The following FARS2 variants were observed in gnomAD, a reference collection of about 807,000 sequenced individuals.
FARS2 encodes the protein phenylalanyl-tRNA synthetase 2, mitochondrial.
A neutral mutation model predicts 46.4 loss-of-function variants in FARS2; 40 were observed. The ratio of observed to expected loss-of-function variants is 0.86; its 90% CI spans 0.67 to 1.12. The LOEUF (loss-of-function observed/expected upper bound fraction) is 1.12, where lower values mean the gene tolerates loss of function less well. FARS2 is among the 50% of genes most tolerant of loss of function. The probability of loss-of-function intolerance (pLI) is 0.00; values close to 1 mark genes in which losing one functional copy is unlikely to be tolerated. For synonymous variants in FARS2, 234 were observed against 214.9 expected, an observed-to-expected ratio of 1.09 and a Z score of -0.78; for missense variants, 513 against 567.9, an observed-to-expected ratio of 0.90 and a Z score of 0.98.
chr6:5,599,900 G>A (rs200209538), intron 5 of FARS2, among the ~76,000 whole-genome samples: 2 of 135,104 alleles, frequency 1.5e-5, no homozygotes, highest in Non-Finnish European at 1.6e-5. Context: ...TTTTTTTTTT[G>A]TGAAAAAGCA....
chr6:5,699,683 A>C (rs1005676762), intron 6 of FARS2, among the ~76,000 whole-genome samples: 14 of 152,040 alleles, frequency 9.2e-5, no homozygotes, highest in Admixed American at 2.6e-4. Flanking sequence ...AAGTTTTTGT[A>C]TTTTTAGTAG....
At chr6:5,620,156 C>T (rs998234327) in intron 6 of FARS2, among the ~76,000 whole-genome samples, 3 of 151,832 alleles carry the variant, frequency 2.0e-5, no homozygotes, top group Non-Finnish European at 2.9e-5. Flanking sequence ...GCAGAATCCC[C>T]GGCCTCTACT....
intron 1 of FARS2, among the ~76,000 whole-genome samples, chr6:5,332,170 G>T (rs1770843225): frequency 6.6e-6 from 1 of 152,170 alleles, no homozygotes; most frequent in South Asian, 2.1e-4. Flanking sequence ...TAACTTTAGA[G>T]ACATGCTCTC....
chr6:5,598,502 A>G (rs553844876), intron 5 of FARS2, among the ~76,000 whole-genome samples: 1 of 152,252 alleles, frequency 6.6e-6, no homozygotes, highest in South Asian at 2.1e-4. Flanking sequence ...ATGTTAGACT[A>G]TTTTCTGGAA....
intron 1 of FARS2, among the ~76,000 whole-genome samples, chr6:5,295,963 G>A (rs189768288): frequency 6.6e-6 from 1 of 152,160 alleles, no homozygotes; most frequent in African/African-American, 2.4e-5. Context: ...AGGTAAGATA[G>A]CAGTGATACC....
intron 6 of FARS2, among the ~76,000 whole-genome samples, chr6:5,693,401 A>G (rs1338503267): frequency 1.3e-5 from 2 of 152,178 alleles, no homozygotes; most frequent in Non-Finnish European, 2.9e-5. Flanking sequence ...GTAGGGAGGG[A>G]GAGATGAACG....
At chr6:5,346,666 G>A (rs758966741) in intron 1 of FARS2, among the ~76,000 whole-genome samples, 1 of 151,962 alleles carries the variant, frequency 6.6e-6, no homozygotes, top group Non-Finnish European at 1.5e-5. Flanking sequence ...TCGTATAGCC[G>A]CCACCTCGAT....
chr6:5,617,992 C>T (rs753150861), intron 6 of FARS2, among the ~76,000 whole-genome samples: 1 of 152,144 alleles, frequency 6.6e-6, no homozygotes, highest in Non-Finnish European at 1.5e-5. Context: ...CAAGGGCTGA[C>T]CAGATTGTGA....
chr6:5,729,040 C>G (rs902711941), intron 6 of FARS2, among the ~76,000 whole-genome samples: 1 of 152,194 alleles, frequency 6.6e-6, no homozygotes, highest in African/African-American at 2.4e-5. Context: ...GCAGGAGATT[C>G]CGATGGCTTT....
intron 4 of FARS2, among the ~76,000 whole-genome samples, chr6:5,525,071 T>G (rs1337210432): frequency 6.6e-6 from 1 of 151,966 alleles, no homozygotes. Context: ...AAAAGGGTGG[T>G]GTTCCTTCTT....
chr6:5,630,473 A>T lies in FARS2; in HGVS notation c.1217+17153A>T, dbSNP rs1449669862. Among the ~76,000 whole-genome samples, 1 of 152,176 alleles carries T rather than the reference A, an allele frequency of 6.6e-6. No individual in the cohort carries two copies. ...CCACAAATGTTCATAACTAGAGAAT[A>T]CTTGATTTAATGGATTTATGCAAAG... On this transcript the variant is annotated intron_variant, in intron 6 of 6. Coordinates refer to ENST00000274680, the MANE Select transcript of FARS2 (RefSeq NM_006567.5). This position sits in a 1 kb window ranked among gnomAD's most constrained non-coding sequence, Gnocchi z 4.2.
intron 4 of FARS2, among the ~76,000 whole-genome samples, chr6:5,525,049 T>C (rs1769374090): frequency 6.6e-6 from 1 of 151,992 alleles, no homozygotes; most frequent in African/African-American, 2.4e-5. Flanking sequence ...TAAATAGGCC[T>C]CTGTAGAATG....
rs376052186 is a variant in FARS2, at chr6:5,355,900, A to T, written c.-21-12650A>T. Among the ~76,000 whole-genome samples the T allele has an allele frequency of 3.7e-4, 57 of 152,250 alleles. No individual in the cohort carries two copies. In the South Asian group the frequency reaches 9.3e-3, roughly 25 times the overall value. ...TTATTCACGGATTCTGTACTTGTGA[A>T]TTTGCCTGCTCTCTAAAATCTGTTT... On this transcript the variant is annotated intron_variant, in intron 1 of 6. Coordinates refer to ENST00000274680, the MANE Select transcript of FARS2 (RefSeq NM_006567.5).
At chr6:5,578,808 C>CAAAAAAAAAAAAAA (rs56248218) in intron 5 of FARS2, among the ~76,000 whole-genome samples, 4 of 124,372 alleles carry the variant, frequency 3.2e-5, no homozygotes, top group African/African-American at 6.4e-5. Context: ...CACTCCGTCT[C>CAAAAAAAAAAAAAA]AAAAAAAAAA....
intron 6 of FARS2, among the ~76,000 whole-genome samples, chr6:5,642,940 C>G (rs900284528): frequency 1.3e-5 from 2 of 152,236 alleles, no homozygotes; most frequent in Non-Finnish European, 2.9e-5. Context: ...GAAGCGTGTT[C>G]ACGCTGGCTG....
At chr6:5,520,480 T>G (rs898722609) in intron 4 of FARS2, among the ~76,000 whole-genome samples, 6 of 152,174 alleles carry the variant, frequency 3.9e-5, no homozygotes, top group South Asian at 2.1e-4. Flanking sequence ...AAATTCTTAT[T>G]AAGAAAAACT....
At position 5,664,008 on chromosome 6, in the gene FARS2, GC is replaced by G. The variant is rs554797114; in HGVS notation, c.1217+50694del. 9.2e-5 allele frequency among the ~76,000 whole-genome samples: 14 copies of G among 152,310 alleles called. 1 individual carries two copies. In the South Asian group the frequency reaches 1.7e-3, roughly 18 times the overall value. On this transcript the variant is annotated intron_variant, in intron 6 of 6. Transcript: ENST00000274680. ...GCTGTGTTCACAGCTCAGATCTGTG[GC>G]CCCCCTGGCCTCCTCAGCCCCTCTG...
At chr6:5,271,918 A>G (rs1011629008) in intron 1 of FARS2, among the ~76,000 whole-genome samples, 2 of 152,190 alleles carry the variant, frequency 1.3e-5, no homozygotes, top group Non-Finnish European at 2.9e-5. Context: ...TGACTCAATC[A>G]CGTAAGCTCC....
intron 6 of FARS2, among the ~76,000 whole-genome samples, chr6:5,699,945 A>G (rs1006143333): frequency 1.5e-4 from 23 of 152,166 alleles, no homozygotes; most frequent in Admixed American, 1.5e-3. Context: ...GGACACTCCC[A>G]ACCACCTATA....
Sources: gnomAD v4.1 joint callset for allele counts (sites outside exome capture counted in the v4.1 genomes callset) on GRCh38, gnomAD v4.1.1 for gene constraint, Gnocchi (gnomAD v3.1) non-coding constraint, MANE v1.5 for transcripts, NCBI Gene and HGNC (gene_info 2026-07-23, HGNC 2026-07-21) for gene names.